The following MORC3 variants were observed in gnomAD, a reference collection of about 807,000 sequenced individuals.
MORC3 encodes MORC family CW-type zinc finger protein 3.
In MORC3, 31 loss-of-function variants were observed where a neutral mutation model predicts 109.1. The observed-to-expected ratio is 0.28, with a 90% CI of 0.21 to 0.38. The LOEUF is 0.38. Among genes scored for constraint, MORC3 ranks in the 10% least tolerant of loss-of-function variants. MORC3 has a pLI of 1.00. For synonymous variants in MORC3, 395 were observed against 380.7 expected, an observed-to-expected ratio of 1.04 and a Z score of -0.44; for missense variants, 867 against 1,135.8, an observed-to-expected ratio of 0.76 and a Z score of 3.40.
At chr21:36,323,579 C>A (rs1398075952) in intron 1 of MORC3, among the ~76,000 whole-genome samples, 1 of 152,116 alleles carries the variant, frequency 6.6e-6, no homozygotes, top group African/African-American at 2.4e-5. Flanking sequence ...AAAATTTCAT[C>A]ATTTCTTGAA....
intron 9 of MORC3, among the ~76,000 whole-genome samples, chr21:36,353,755 A>AGTTTTTTTTTT (rs2085605105): frequency 1.4e-5 from 1 of 71,008 alleles, no homozygotes; most frequent in Non-Finnish European, 2.3e-5. Flanking sequence ...TAATTTTTGT[A>AGTTTTTTTTTT]TTTTTTTTTT....
chr21:36,351,171 G>T (rs540797266), intron 9 of MORC3, among the ~76,000 whole-genome samples: 45 of 143,686 alleles, frequency 3.1e-4, no homozygotes, highest in Non-Finnish European at 5.1e-4. Context: ...GGATTCAAGT[G>T]ATTCTCCTGC....
intron 9 of MORC3, among the ~76,000 whole-genome samples, chr21:36,354,634 A>G (rs570224096): frequency 6.6e-4 from 100 of 152,316 alleles, no homozygotes; most frequent in Non-Finnish European, 1.1e-3. Context: ...ATCTCTGTAC[A>G]GTACCAATCC....
Position 36,360,594 on chromosome 21 carries a change from T to TA in MORC3, c.1406+337dup, listed in dbSNP as rs757172395. 4 of 310,782 alleles carry TA rather than the reference T, an allele frequency of 1.3e-5. No individual in the cohort carries two copies. The East Asian group carries it at 2.3e-4, about 18-fold the overall frequency. The allele number at this position is 310,782 out of a possible 1,614,324, so 19.3% of individuals were successfully genotyped here. A position where few individuals can be genotyped will look rare whatever the true frequency, so the allele number is the denominator to read the frequency against. On this transcript the variant is annotated intron_variant, in intron 12 of 16. Coordinates refer to ENST00000400485, the MANE Select transcript of MORC3 (RefSeq NM_015358.3). ...GAGGTGATACATGAATTTTACCAGT[T>TA]ACGTGTTGGTGAGTGCCATAGAAGC...
intron 10 of MORC3, 120 bp downstream of exon 10, chr21:36,356,844 A>G (rs1366443303): frequency 1.8e-6 from 1 of 570,962 alleles, no homozygotes; most frequent in Non-Finnish European, 3.0e-6. Flanking sequence ...TAAATTCTGC[A>G]ACATGAATTA....
At position 36,345,054 on chromosome 21, in the gene MORC3, A is replaced by G. The variant is rs547628623; in HGVS notation, c.1005+23A>G. 77 of 1,572,084 alleles carry G rather than the reference A, an allele frequency of 4.9e-5. 3 individuals carry two copies. In the South Asian group the frequency reaches 8.7e-4, roughly 18 times the overall value. On this transcript the variant is annotated intron_variant, in intron 8 of 16. Transcript: ENST00000400485. ...AGGGTAAGCTTTATTTTTTATTTGA[A>G]AAGAAAATGTCTATTTTCCACAAAA...
chr21:36,376,006 G>A lies in MORC3; in HGVS notation c.*710G>A, dbSNP rs1438350652. 1 of 152,118 alleles carries A rather than the reference G, an allele frequency of 6.6e-6. No individual in the cohort carries two copies. The highest frequency in any genetic ancestry group is 6.5e-5 in the Admixed American group (1 of 15,274). The allele number at this position is 152,118 out of a possible 1,614,324, so 9.4% of individuals were successfully genotyped here. On this transcript the variant is annotated 3_prime_UTR_variant, in exon 17 of 17. Transcript: ENST00000400485. ...AAATGGCCACCAAGTTTACTTTGAA[G>A]CCCATTTTTGGCTGTTTAGTCAGCA...
At chr21:36,363,819 G>A (rs780602789) in intron 13 of MORC3, among the ~76,000 whole-genome samples, 1 of 152,154 alleles carries the variant, frequency 6.6e-6, no homozygotes, top group Non-Finnish European at 1.5e-5. Flanking sequence ...TTTTGGCTTT[G>A]TGGGCCACAT....
chr21:36,369,254 C>T lies in MORC3; in HGVS notation c.1886C>T (p.Ser629Leu). ...CAGACTGGTTCAACAAGCACCTCAT[C>T]ATCCCGATGCGACCAGGGAAATACT... ...CGQTGSTSTS[S>L]SRCDQGNTAA... The change falls in exon 15 of 17, where the codon TCA becomes TTA. Residue 629 changes from serine to leucine, a missense_variant. Ser to Leu is a moderately radical substitution (Grantham distance 145). Transcript: ENST00000400485. The T allele has an allele frequency of 6.2e-7, 1 of 1,614,160 alleles. No individual in the cohort carries two copies. Among genetic ancestry groups the T allele is most frequent in the Non-Finnish European group, 8.5e-7 (1 of 1,180,038 alleles).
chr21:36,368,819 G>A (rs754346776), intron 14 of MORC3, among the ~76,000 whole-genome samples, 169 bp from the exon 15 acceptor site: 89 of 152,232 alleles, frequency 5.8e-4, no homozygotes, highest in Admixed American at 4.3e-3. Flanking sequence ...AGAGGTTGCA[G>A]TGAGCCAAGA....
intron 1 of MORC3, 65 bp downstream of exon 1, chr21:36,320,368 G>T (rs984584731): frequency 7.7e-7 from 1 of 1,295,398 alleles, no homozygotes; most frequent in Non-Finnish European, 9.9e-7. Context: ...GCGAAGGGGG[G>T]CCGGCAGTGG....
At position 36,374,099 on chromosome 21, in the gene MORC3, A is replaced by T. The variant is rs536192202; in HGVS notation, c.2667-1044A>T. Among the ~76,000 whole-genome samples the T allele has an allele frequency of 4.5e-4, 68 of 151,892 alleles. No individual in the cohort carries two copies. In the Middle Eastern group the frequency reaches 0.01, roughly 23 times the overall value. On this transcript the variant is annotated intron_variant, in intron 16 of 16. Coordinates refer to ENST00000400485, the MANE Select transcript of MORC3 (RefSeq NM_015358.3). ...CAGTCCTACAATTATTATTATTATT[A>T]TTTTTTTGGAGACAGAGTCTTGATC...
intron 8 of MORC3, 58 bp from the exon 9 acceptor site, chr21:36,349,253 A>T (rs1003596096): frequency 9.6e-7 from 1 of 1,040,480 alleles, no homozygotes; most frequent in Non-Finnish European, 1.5e-6. Flanking sequence ...CTTTAAGGGT[A>T]ATTATTTTGA....
intron 10 of MORC3, among the ~76,000 whole-genome samples, chr21:36,358,749 G>T (rs965247938): frequency 6.6e-6 from 1 of 151,616 alleles, no homozygotes; most frequent in African/African-American, 2.4e-5. Context: ...GCGCAATCTC[G>T]GCTCACTGCA....
At position 36,336,899 on chromosome 21, in the gene MORC3, C is replaced by T. The variant is rs374627738; in HGVS notation, c.138C>T (p.Asn46=). The stretch of plus-strand genomic sequence containing the variant: ...ATAATGCTTATGATCCTGATGTGAA[C>T]GCTAAACAAATATGGATTGACAAAA... ...LIDNAYDPDV[N]AKQIWIDKTV... The change falls in exon 3 of 17, where the codon AAC becomes AAT. Residue 46 remains asparagine, a synonymous_variant. Coordinates refer to ENST00000400485, the MANE Select transcript of MORC3 (RefSeq NM_015358.3). The T allele has an allele frequency of 1.9e-5, 31 of 1,611,168 alleles. No homozygotes were observed. The highest frequency in any genetic ancestry group is 4.5e-5 in the East Asian group (2 of 44,776).
chr21:36,365,414 AT>A (rs1000742320), intron 14 of MORC3, among the ~76,000 whole-genome samples: 4 of 152,258 alleles, frequency 2.6e-5, no homozygotes, highest in Admixed American at 1.3e-4. Flanking sequence ...GAAGAGGAAC[AT>A]TGAAACAAGC....
intron 9 of MORC3, among the ~76,000 whole-genome samples, chr21:36,351,280 A>G (rs1287844893): frequency 6.6e-6 from 1 of 151,836 alleles, no homozygotes; most frequent in Non-Finnish European, 1.5e-5. Context: ...TTTGATCAGG[A>G]TGGTCTTGAT....
Position 36,359,967 on chromosome 21 carries a change from T to G in MORC3, c.1221T>G (p.Asp407Glu). The G allele has an allele frequency of 1.9e-6, 3 of 1,614,204 alleles. No homozygotes were observed. Among genetic ancestry groups the G allele is most frequent in the Non-Finnish European group, 2.5e-6 (3 of 1,180,014 alleles). ...LPVEDIQKRP[D>E]QTWVQCDACL... ...TGTTTTGGGACAGGAAGCGTCCTGA[T>G]CAGACATGGGTTCAGTGTGATGCCT... The change falls in exon 11 of 17, where the codon GAT becomes GAG. Residue 407 changes from aspartate (D) to glutamate (E), a missense_variant. Physicochemically the swap from Asp to Glu is conservative, Grantham distance 45. This residue lies in a region of MORC3 where 120 missense variants were observed against 259.7 expected (regional missense o/e 0.46). Coordinates refer to ENST00000400485, the MANE Select transcript of MORC3 (RefSeq NM_015358.3).
At chr21:36,362,006 C>A in intron 12 of MORC3, 177 bp from the exon 13 acceptor site, 2 of 708,464 alleles carry the variant, frequency 2.8e-6, no homozygotes, top group South Asian at 1.7e-5. Context: ...AAAATTCAGG[C>A]TAAAATTAGG....
Sources: gnomAD v4.1 joint callset for allele counts (sites outside exome capture counted in the v4.1 genomes callset) on GRCh38, gnomAD v4.1.1 for gene constraint, gnomAD v4.1.1 regional missense constraint, MANE v1.5 for transcripts, NCBI Gene and HGNC (gene_info 2026-07-23, HGNC 2026-07-21) for gene names.